ANKRD44: variants seen among roughly 807,000 people sequenced by gnomAD.
ANKRD44 encodes the protein ankyrin repeat domain 44, also known as serine/threonine-protein phosphatase 6 regulatory ankyrin repeat subunit B.
Under a neutral mutation model 116.0 loss-of-function variants are expected in ANKRD44, and 35 were observed. The ratio of observed to expected loss-of-function variants is 0.30; its 90% CI spans 0.23 to 0.40. ANKRD44 has a LOEUF of 0.40. ANKRD44 is among the 10% of genes least tolerant of loss of function. The pLI is 1.00. For missense variants in ANKRD44, 1,014 were observed against 1,242.6 expected (o/e 0.82, Z 2.77); for synonymous variants, 435 against 461.8 (o/e 0.94, Z 0.74).
At chr2:197,034,800 G>A (rs1559008206) in intron 16 of ANKRD44, among the ~76,000 whole-genome samples, 1 of 152,112 alleles carries the variant, frequency 6.6e-6, no homozygotes, top group Non-Finnish European at 1.5e-5. Flanking sequence ...CTCCTACTGA[G>A]AAGTGAAGAT....
chr2:197,270,494 C>T (rs185414658), intron 1 of ANKRD44, among the ~76,000 whole-genome samples: 3 of 152,058 alleles, frequency 2.0e-5, no homozygotes, highest in East Asian at 3.9e-4. Flanking sequence ...CAGCTTTGGA[C>T]GGGGATGGAA....
chr2:197,104,445 A>G (rs2078377988), intron 9 of ANKRD44, among the ~76,000 whole-genome samples: 1 of 152,204 alleles, frequency 6.6e-6, no homozygotes, highest in African/African-American at 2.4e-5. Context: ...AAGTAGGACT[A>G]TTGGACTAAA....
chr2:197,057,182 C>T (rs2077219165), intron 16 of ANKRD44, among the ~76,000 whole-genome samples: 2 of 152,120 alleles, frequency 1.3e-5, no homozygotes, highest in South Asian at 4.1e-4. Flanking sequence ...CCTTTCTACT[C>T]CTAGTTAGCT....
At chr2:196,999,087 T>C in intron 23 of ANKRD44, 35 bp from the exon 24 acceptor site, 1 of 1,608,210 alleles carries the variant, frequency 6.2e-7, no homozygotes, top group Non-Finnish European at 8.5e-7. Context: ...TTTAGTTTCC[T>C]TTAAACTTTA....
chr2:197,062,273 T>C (rs1367665209), intron 16 of ANKRD44, among the ~76,000 whole-genome samples: 4 of 152,196 alleles, frequency 2.6e-5, no homozygotes, highest in African/African-American at 9.7e-5. Context: ...GGTTAGGGTT[T>C]CTCTAGCCCT....
intron 1 of ANKRD44, among the ~76,000 whole-genome samples, chr2:197,195,218 C>CAATT (rs2080919241): frequency 6.6e-6 from 1 of 152,146 alleles, no homozygotes; most frequent in Non-Finnish European, 1.5e-5. Context: ...TGGCCTCAAG[C>CAATT]AATTCTTCTG....
chr2:197,025,058 C>T, intron 17 of ANKRD44, 138 bp downstream of exon 17: 1 of 759,268 alleles, frequency 1.3e-6, no homozygotes, highest in East Asian at 2.6e-5. Context: ...GTCTCCACAG[C>T]CTGTGCCTTT....
At chr2:197,049,155 C>T (rs1378803520) in intron 16 of ANKRD44, among the ~76,000 whole-genome samples, 1 of 152,098 alleles carries the variant, frequency 6.6e-6, no homozygotes, top group African/African-American at 2.4e-5. Flanking sequence ...ATGGTAGTTT[C>T]TTTTGCCGTG....
intron 1 of ANKRD44, among the ~76,000 whole-genome samples, chr2:197,266,861 T>C (rs920998792): frequency 6.6e-5 from 10 of 152,074 alleles, no homozygotes; most frequent in Non-Finnish European, 1.5e-4. Flanking sequence ...ATTCACAATA[T>C]AGAAAAATGT....
chr2:197,262,912 A>G (rs1326297947), intron 1 of ANKRD44, among the ~76,000 whole-genome samples: 1 of 152,180 alleles, frequency 6.6e-6, no homozygotes, highest in Non-Finnish European at 1.5e-5. Context: ...TAAAAAAACA[A>G]AAACAAAAAC....
rs139294990 is a variant in ANKRD44 at position 197,078,658 on chromosome 2, A to ATG, written c.1650+43_1650+44dup. On this transcript the variant is annotated intron_variant, in intron 16 of 27. Coordinates refer to ENST00000282272, the MANE Select transcript of ANKRD44 (RefSeq NM_001195144.2). ...AGTTAATGCCTCTGTGATTTGGGGT[A>ATG]TGTGTGTGTGTGTGTGTTAGAGAAA... 1.6e-3 allele frequency: 2,475 copies of ATG among 1,541,264 alleles called. 7 individuals are homozygous for ATG. Among genetic ancestry groups the ATG allele is most frequent in the African/African-American group, 0.014 (1,006 of 73,104 alleles).
chr2:197,291,219 A>G (rs1438893159), intron 1 of ANKRD44, among the ~76,000 whole-genome samples: 1 of 151,926 alleles, frequency 6.6e-6, no homozygotes, highest in Non-Finnish European at 1.5e-5. Context: ...TAAAAAATAA[A>G]TAAGATGTGG....
intron 1 of ANKRD44, among the ~76,000 whole-genome samples, chr2:197,251,967 T>C (rs1391677987): frequency 1.3e-5 from 2 of 152,238 alleles, no homozygotes; most frequent in East Asian, 3.8e-4. Flanking sequence ...CGTTTATGCA[T>C]CAGTCCTTGT....
intron 17 of ANKRD44, among the ~76,000 whole-genome samples, chr2:197,023,018 T>C (rs188817653): frequency 1.4e-4 from 22 of 152,364 alleles, no homozygotes; most frequent in Admixed American, 1.2e-3. Context: ...TTCACTGCAA[T>C]ATCTCCAGCT....
intron 18 of ANKRD44, among the ~76,000 whole-genome samples, chr2:197,009,718 G>A (rs1214387623): frequency 4.6e-5 from 7 of 152,160 alleles, no homozygotes; most frequent in Admixed American, 2.6e-4. Context: ...CATTGTTGCC[G>A]CTGGATCCCC....
At chr2:197,120,971 C>T (rs144552246) in intron 8 of ANKRD44, among the ~76,000 whole-genome samples, 226 of 151,242 alleles carry the variant, frequency 1.5e-3, no homozygotes, top group African/African-American at 4.7e-3. Flanking sequence ...GCTCTGTTGC[C>T]CAGGTTAGAG....
intron 21 of ANKRD44, among the ~76,000 whole-genome samples, chr2:197,003,888 GGA>G (rs2076157306): frequency 6.6e-6 from 1 of 151,926 alleles, no homozygotes; most frequent in Admixed American, 6.6e-5. Context: ...ACCAAGTTGA[GGA>G]AATAGAAAAT....
At chr2:197,020,465 C>T (rs1040464748) in intron 17 of ANKRD44, among the ~76,000 whole-genome samples, 8 of 152,088 alleles carry the variant, frequency 5.3e-5, no homozygotes, top group Admixed American at 3.3e-4. Context: ...TTTTGGGCAA[C>T]ACATAAAATA....
intron 25 of ANKRD44, among the ~76,000 whole-genome samples, chr2:196,997,399 T>C (rs1385705357): frequency 6.7e-6 from 1 of 149,758 alleles, no homozygotes; most frequent in Admixed American, 6.7e-5. Context: ...TGTAAAATCA[T>C]ATATATGATA....
Sources: gnomAD v4.1 joint callset for allele counts (sites outside exome capture counted in the v4.1 genomes callset) on GRCh38, gnomAD v4.1.1 for gene constraint, MANE v1.5 for transcripts, NCBI Gene and HGNC (gene_info 2026-07-23, HGNC 2026-07-21) for gene names.